SGSM1: variants seen among roughly 807,000 people sequenced by gnomAD.
SGSM1 encodes the protein RUN and TBC1 domain containing 2.
In SGSM1, 73 loss-of-function variants were observed where a neutral mutation model predicts 133.8. The observed-to-expected ratio is 0.55, with a 90% CI of 0.45 to 0.66. SGSM1 has a LOEUF of 0.66. Among genes scored for constraint, SGSM1 ranks in the 30% least tolerant of loss-of-function variants. SGSM1 has a pLI of 0.00. For synonymous variants in SGSM1, 563 were observed against 573.0 expected, an observed-to-expected ratio of 0.98 and a Z score of 0.25; for missense variants, 1,213 against 1,448.1, an observed-to-expected ratio of 0.84 and a Z score of 2.64.
At chr22:24,863,531 T>C (rs530251132) in intron 9 of SGSM1, among the ~76,000 whole-genome samples, 21 of 152,248 alleles carry the variant, frequency 1.4e-4, no homozygotes, top group Non-Finnish European at 2.6e-4. Context: ...GGGGCATCTC[T>C]AGCCCTGGGC....
chr22:24,911,246 T>A (rs540923023), intron 21 of SGSM1, among the ~76,000 whole-genome samples: 4 of 151,178 alleles, frequency 2.6e-5, no homozygotes, highest in African/African-American at 9.7e-5. Flanking sequence ...CAAAAATTAA[T>A]TAAATAAATA....
Position 24,920,000 on chromosome 22 carries a change from A to T in SGSM1, c.3193+7A>T. On this transcript the variant is annotated splice_region_variant and intron_variant, in intron 24 of 24. Coordinates refer to ENST00000400358, the MANE Select transcript of SGSM1 (RefSeq NM_001098497.3). The stretch of plus-strand genomic sequence containing the variant: ...ATCATCAAATTCTTTAATGGTACCC[A>T]CATGACTGGGGCCTCATGAGAGGGG... 6.3e-7 allele frequency: 1 copy of T among 1,587,774 alleles called. No individual in the cohort carries two copies. The highest frequency in any genetic ancestry group is 8.6e-7 in the Non-Finnish European group (1 of 1,166,866).
chr22:24,844,630 T>A (rs1929987965), intron 2 of SGSM1: 1 of 461,170 alleles, frequency 2.2e-6, no homozygotes, highest in Non-Finnish European at 3.9e-6. Flanking sequence ...GGAAAGGAGA[T>A]GACGTTTTGT....
intron 16 of SGSM1, among the ~76,000 whole-genome samples, chr22:24,889,938 A>C (rs927871828): frequency 6.8e-6 from 1 of 146,270 alleles, no homozygotes; most frequent in Non-Finnish European, 1.5e-5. Context: ...GGCGTGAGCC[A>C]CCGGGCCTGG....
rs1160151550 is a variant in SGSM1 at position 24,893,468 on chromosome 22, T to C, written c.1808T>C (p.Met603Thr). The C allele has an allele frequency of 6.2e-7, 1 of 1,613,798 alleles. No homozygotes were observed. The highest frequency in any genetic ancestry group is 1.3e-5 in the African/African-American group (1 of 74,922). Residue 603 changes from methionine (M) to threonine (T), a missense_variant, in exon 17 of 25, where the codon ATG becomes ACG. Physicochemically the swap from Met to Thr is moderately conservative, Grantham distance 81 (BLOSUM62 -1). Transcript: ENST00000400358. ...EQIHACYAQT[M>T]AEWLGCEAIV... is the part of the protein sequence containing the mutation. Reference sequence around the variant, plus strand: ...ATTCATGCCTGCTATGCACAGACCATGGCTGAGTGGCTGGGCTGCGAGGCG... The same window carrying C: ...ATTCATGCCTGCTATGCACAGACCACGGCTGAGTGGCTGGGCTGCGAGGCG...
chr22:24,869,094 T>C (rs1441579167), intron 12 of SGSM1, among the ~76,000 whole-genome samples: 1 of 152,180 alleles, frequency 6.6e-6, no homozygotes, highest in Non-Finnish European at 1.5e-5. Flanking sequence ...GGCAATGGCA[T>C]AGGCTCTGGA....
chr22:24,842,588 A>C lies in SGSM1; in HGVS notation c.64-2309A>C, dbSNP rs148873367. Among the ~76,000 whole-genome samples, 3 of 152,178 alleles carry C rather than the reference A, an allele frequency of 2.0e-5. No individual in the cohort carries two copies. The East Asian group carries it at 5.8e-4, about 29-fold the overall frequency. ...TAGCCATAAAGCAAGGAAACACAGA[A>C]TGGTTGCCCTCATGGGGATCAGAGC... On this transcript the variant is annotated intron_variant, in intron 2 of 24. Coordinates refer to ENST00000400358, the MANE Select transcript of SGSM1 (RefSeq NM_001098497.3).
chr22:24,827,685 G>A (rs1397910779), intron 2 of SGSM1, among the ~76,000 whole-genome samples: 1 of 151,984 alleles, frequency 6.6e-6, no homozygotes, highest in Non-Finnish European at 1.5e-5. Context: ...CCATCTCCAG[G>A]ATCTCATTCA....
At chr22:24,911,014 G>A (rs1020030198) in intron 21 of SGSM1, among the ~76,000 whole-genome samples, 1 of 152,020 alleles carries the variant, frequency 6.6e-6, no homozygotes, top group Non-Finnish European at 1.5e-5. Flanking sequence ...AGCACTTTGG[G>A]AGGTGGAGGT....
At position 24,868,459 on chromosome 22, in the gene SGSM1, C is replaced by T; in HGVS notation, c.1078C>T (p.Leu360=). Residue 360 remains leucine, a synonymous_variant, in exon 11 of 25, where the codon CTG becomes TTG. Transcript: ENST00000400358. ...CCGCTTCCCCAAGGGCGGGCACCTC[C>T]TGCAGTTCCTCTCGTGCCTGGAGAA... ...PFRFPKGGHL[L]QFLSCLENGL... 5 of 1,613,914 alleles carry T rather than the reference C, an allele frequency of 3.1e-6. No individual in the cohort carries two copies. Among genetic ancestry groups the T allele is most frequent in the Non-Finnish European group, 8.5e-7 (1 of 1,179,862 alleles).
intron 21 of SGSM1, among the ~76,000 whole-genome samples, chr22:24,907,684 G>A (rs1933443634): frequency 1.3e-5 from 2 of 151,944 alleles, no homozygotes; most frequent in Admixed American, 6.6e-5. Flanking sequence ...CAGCACTTTG[G>A]GAGGCTGAGG....
chr22:24,879,665 C>A, intron 14 of SGSM1, 139 bp downstream of exon 14: 1 of 843,950 alleles, frequency 1.2e-6, no homozygotes, highest in Non-Finnish European at 1.8e-6. Context: ...GTTTCAGTGA[C>A]GTTACATGAA....
At chr22:24,904,499 G>GA (rs1230303123) in intron 20 of SGSM1, among the ~76,000 whole-genome samples, 2 of 149,420 alleles carry the variant, frequency 1.3e-5, no homozygotes, top group Admixed American at 6.8e-5. Context: ...AGAATGTCGT[G>GA]AACCCAGGGG....
At position 24,898,490 on chromosome 22, in the gene SGSM1, G is replaced by T. The variant is rs1168562950; in HGVS notation, c.2541G>T (p.Leu847=). The T allele has an allele frequency of 1.2e-5, 20 of 1,613,748 alleles. No individual in the cohort carries two copies. Among genetic ancestry groups the T allele is most frequent in the Non-Finnish European group, 1.7e-5 (20 of 1,179,872 alleles). ...EPEMESLFPA[L]ASLAVTTSAN... ...AGATGGAAAGTCTCTTCCCTGCCCT[G>T]GCTTCTCTGGCTGTGACTACTTCTG... Residue 847 remains leucine (L), a synonymous_variant, in exon 19 of 25, where the codon CTG becomes CTT. Coordinates refer to ENST00000400358, the MANE Select transcript of SGSM1 (RefSeq NM_001098497.3).
rs939702727 is a variant in SGSM1 at position 24,877,896 on chromosome 22, C to T, written c.1430+1181C>T. Among the ~76,000 whole-genome samples, 58 of 148,068 alleles carry T rather than the reference C, an allele frequency of 3.9e-4. 1 individual carries two copies. Among genetic ancestry groups the T allele is most frequent in the African/African-American group, 1.2e-3 (50 of 40,502 alleles). On this transcript the variant is annotated intron_variant, in intron 13 of 24. Transcript: ENST00000400358. ...CATGATCTTGGCTCACTTCAACCTC[C>T]GCCTCCCGGGTTTAAGCAATTCTCC...
intron 21 of SGSM1, 146 bp from the exon 22 acceptor site, chr22:24,912,497 T>G (rs955228596): frequency 9.7e-5 from 57 of 584,874 alleles, no homozygotes; most frequent in Non-Finnish European, 1.6e-4. Context: ...GCTAACACGG[T>G]GAAACCCCGT....
Position 24,855,470 on chromosome 22 carries a change from C to T in SGSM1, c.669+40C>T, listed in dbSNP as rs1930717557. On this transcript the variant is annotated intron_variant, in intron 7 of 24. Transcript: ENST00000400358. ...CAGTGGGGCAGTGGGAGGGACCTTA[C>T]ATGAGGGCAGGAAGCAGGGTAGGAG... 1.9e-6 allele frequency: 3 copies of T among 1,613,042 alleles called. No homozygotes were observed. In the African/African-American group the frequency reaches 4.0e-5, roughly 22 times the overall value.
chr22:24,826,116 A>G (rs1489177571), intron 2 of SGSM1, among the ~76,000 whole-genome samples: 3 of 152,252 alleles, frequency 2.0e-5, no homozygotes, highest in Admixed American at 6.5e-5. Context: ...GATAGATTGT[A>G]TGTGCCTGAA....
At chr22:24,881,205 A>G (rs866257729) in intron 14 of SGSM1, among the ~76,000 whole-genome samples, 2,587 of 142,578 alleles carry the variant, frequency 0.018, 268 homozygotes, top group African/African-American at 0.064. Context: ...AAAAAAAAAA[A>G]AAAAAAAGAT....
Sources: allele counts gnomAD v4.1 joint callset (sites outside exome capture counted in the v4.1 genomes callset), GRCh38; gene constraint gnomAD v4.1.1; transcripts MANE v1.5; gene names NCBI Gene and HGNC (gene_info 2026-07-23, HGNC 2026-07-21).